The following GALK1 variants were observed in gnomAD, a reference collection of about 807,000 sequenced individuals.
GALK1 encodes galactokinase 1, also known as galactokinase.
A neutral mutation model predicts 38.6 loss-of-function variants in GALK1; 30 were observed. The ratio of observed to expected loss-of-function variants is 0.78; its 90% CI spans 0.58 to 1.05. The LOEUF is 1.05. GALK1 is among the 50% of genes least tolerant of loss of function. GALK1 has a pLI of 0.00. For missense variants in GALK1, 512 were observed against 540.5 expected (o/e 0.95, Z 0.52); for synonymous variants, 240 against 233.6 (o/e 1.03, Z -0.25).
downstream of GALK1, chr17:75,753,708 C>T: frequency 8.3e-7 from 1 of 1,212,072 alleles, no homozygotes; most frequent in Non-Finnish European, 1.1e-6. Context: ...CCCCGCCTGG[C>T]CCTGCTCGGC....
At chr17:75,762,664 C>A in intron 5 of GALK1, 40 bp downstream of exon 5, 1 of 1,607,542 alleles carries the variant, frequency 6.2e-7, no homozygotes. Context: ...CAGCAGGGAG[C>A]ACAGCCGCCT....
chr17:75,754,589 T>C (rs752694774), downstream of GALK1: 2 of 1,613,728 alleles, frequency 1.2e-6, no homozygotes, highest in Non-Finnish European at 1.7e-6. Context: ...ACCTGGTGAA[T>C]GGCCGGATGG....
At chr17:75,755,230 C>T, downstream of GALK1, 6 of 1,595,578 alleles carry the variant, frequency 3.8e-6, no homozygotes, top group Non-Finnish European at 5.1e-6. Context: ...CAGGGGTGGC[C>T]ATCCTGTCTC....
rs1402390213 is a variant in GALK1, at chr17:75,762,798, G to A, written c.699C>T (p.Ser233=). The A allele has an allele frequency of 6.2e-7, 1 of 1,613,796 alleles. No homozygotes were observed. Among genetic ancestry groups the A allele is most frequent in the Non-Finnish European group, 8.5e-7 (1 of 1,180,004 alleles). The part of the protein sequence containing the change: ...TNSNVRHSLA[S]SEYPVRRRQC... ...GGCGCCGCCGCACAGGGTACTCGCT[G>A]GAGGCCAGGGAGTGGCGGACATTAG... Residue 233 remains serine, a synonymous_variant, in exon 5 of 8, where the codon TCC becomes TCT. Coordinates refer to ENST00000588479, the MANE Select transcript of GALK1 (RefSeq NM_000154.2).
chr17:75,752,137 A>T (rs1296414862), intron 8 of GALK1: 1 of 1,606,176 alleles, frequency 6.2e-7, no homozygotes, highest in Non-Finnish European at 8.5e-7. Flanking sequence ...CCAGGCTGGG[A>T]CCTGGGTGAC....
chr17:75,754,428 CTG>C, downstream of GALK1: 1 of 964,686 alleles, frequency 1.0e-6, no homozygotes, highest in Non-Finnish European at 1.6e-6. Context: ...CAGAGGGCCT[CTG>C]TCCCTAGTGG....
downstream of GALK1, chr17:75,753,836 C>G (rs925477124): frequency 5.5e-6 from 8 of 1,445,744 alleles, no homozygotes; most frequent in African/African-American, 1.0e-4. Context: ...GCGGCTGCCC[C>G]CGGAGCTCAT....
intron 5 of GALK1, among the ~76,000 whole-genome samples, chr17:75,759,355 G>A (rs2061575543): frequency 6.6e-6 from 1 of 152,074 alleles, no homozygotes; most frequent in Non-Finnish European, 1.5e-5. Context: ...TTGAACCTGG[G>A]AGGCGGAGGT....
chr17:75,758,002 G>A lies in GALK1; in HGVS notation c.*54C>T, dbSNP rs751070244. The A allele has an allele frequency of 1.6e-4, 258 of 1,590,380 alleles. No homozygotes were observed. The highest frequency in any genetic ancestry group is 2.0e-4 in the Non-Finnish European group (230 of 1,162,240). On this transcript the variant is annotated 3_prime_UTR_variant, in exon 8 of 8. Coordinates refer to ENST00000588479, the MANE Select transcript of GALK1 (RefSeq NM_000154.2). ...GGAAGATGGCACCGGGCACAGAGCC[G>A]TGGGACTGGCCTGCAGGCCCCGCAC...
At chr17:75,754,013 C>A (rs2061430016), downstream of GALK1, 3 of 955,540 alleles carry the variant, frequency 3.1e-6, no homozygotes, top group African/African-American at 3.4e-5. Flanking sequence ...CCGCGCCCAC[C>A]CAGCCTCACT....
chr17:75,755,697 C>G (rs199620842), downstream of GALK1: 3,229 of 1,612,892 alleles, frequency 2.0e-3, 50 homozygotes, highest in South Asian at 0.019. Flanking sequence ...CCTCCTGTCC[C>G]CAGACTCTCG....
In GALK1 at chr17:75,758,901, A is replaced by T. The variant is rs574801331; in HGVS notation, c.794-302T>A. Among the ~76,000 whole-genome samples, 13 of 152,234 alleles carry T rather than the reference A, an allele frequency of 8.5e-5. No homozygotes were observed. The East Asian group carries it at 1.9e-3, about 23-fold the overall frequency. ...GGCCACCACAGAGCAGGAGGAGAAG[A>T]AGTTCTGCTGAGCCACATGGAGCCT... On this transcript the variant is annotated intron_variant, in intron 5 of 7. Transcript: ENST00000588479.
chr17:75,763,511 GGC>G (rs2061597323), intron 2 of GALK1, 72 bp from the exon 3 acceptor site: 2 of 1,496,934 alleles, frequency 1.3e-6, no homozygotes, highest in Non-Finnish European at 1.8e-6. Flanking sequence ...CAGGTGTCCT[GGC>G]GGGAAGGGCA....
At chr17:75,755,193 C>G (rs773210915), downstream of GALK1, 12 of 1,605,162 alleles carry the variant, frequency 7.5e-6, no homozygotes, top group Non-Finnish European at 1.0e-5. Context: ...GGGAGGCCAG[C>G]AGCGCCCTCC....
rs1354645946 is a variant in GALK1, at chr17:75,762,999, G to T, written c.611+15C>A. On this transcript the variant is annotated intron_variant, in intron 4 of 7. Transcript: ENST00000588479. ...TGAGTGCAGGGCGGGAGGGGACGAG[G>T]GGAGCGAGCCCAACCTGCAGTCAAT... 1.2e-6 allele frequency: 2 copies of T among 1,612,554 alleles called. No homozygotes were observed. Among genetic ancestry groups the T allele is most frequent in the Admixed American group, 1.7e-5 (1 of 60,022 alleles).
At chr17:75,752,120 G>A in intron 8 of GALK1, 4 of 1,585,944 alleles carry the variant, frequency 2.5e-6, no homozygotes, top group Non-Finnish European at 3.5e-6. Context: ...CAGGGGTGGT[G>A]TTGGGACCAG....
At position 75,763,370 on chromosome 17, in the gene GALK1, G is replaced by A. The variant is rs777059513; in HGVS notation, c.425C>T (p.Ser142Leu). 3.7e-6 allele frequency: 6 copies of A among 1,613,850 alleles called. No individual in the cohort carries two copies. Among genetic ancestry groups the A allele is most frequent in the Non-Finnish European group, 5.1e-6 (6 of 1,179,952 alleles). ...SVPLGGGLSS[S>L]ASLEVATYTF... ...GTACGTGGCCACTTCCAAGGATGCT[G>A]AGCTGGACAGGCCACCCCCCAGGGG... The change falls in exon 3 of 8, where the codon TCA (serine) becomes TTA (leucine). Residue 142 changes from serine to leucine, a missense_variant. Physicochemically the swap from Ser to Leu is moderately radical, Grantham distance 145. Transcript: ENST00000588479.
chr17:75,760,884 A>G (rs555922679), intron 5 of GALK1, among the ~76,000 whole-genome samples: 57 of 152,322 alleles, frequency 3.7e-4, no homozygotes, highest in Non-Finnish European at 6.5e-4. Flanking sequence ...AGCCTGGGCA[A>G]CTTAGCAGAA....
chr17:75,758,586 C>T lies in GALK1; in HGVS notation c.807G>A (p.Leu269=). The change falls in exon 6 of 8, where the codon CTG becomes CTA. Residue 269 remains leucine (L), a synonymous_variant. Coordinates refer to ENST00000588479, the MANE Select transcript of GALK1 (RefSeq NM_000154.2). The part of the protein sequence containing the change: ...QLEELEAARD[L]VSKEGFRRAR... ...CCCGCCGGAAGCCCTCTTTGCTCAC[C>T]AGGTCCCTGGCAGCTGGGGAGGAAA... 6.3e-7 allele frequency: 1 copy of T among 1,595,208 alleles called. No individual in the cohort carries two copies. Among genetic ancestry groups the T allele is most frequent in the Non-Finnish European group, 8.5e-7 (1 of 1,177,490 alleles).
Sources: allele counts gnomAD v4.1 joint callset (sites outside exome capture counted in the v4.1 genomes callset), GRCh38; gene constraint gnomAD v4.1.1; transcripts MANE v1.5; gene names NCBI Gene and HGNC (gene_info 2026-07-23, HGNC 2026-07-21).